The following RBL2 variants were observed in gnomAD, a reference collection of about 807,000 sequenced individuals.
RBL2 encodes the protein RB transcriptional corepressor like 2.
In RBL2, 56 loss-of-function variants were observed where a neutral mutation model predicts 126.0. The ratio of observed to expected loss-of-function variants is 0.44; its 90% CI spans 0.36 to 0.56. The LOEUF (loss-of-function observed/expected upper bound fraction) is 0.56, where lower values mean the gene tolerates loss of function less well. Among genes scored for constraint, RBL2 ranks in the 20% least tolerant of loss-of-function variants. The probability of loss-of-function intolerance (pLI) is 0.00; values close to 1 mark genes in which losing one functional copy is unlikely to be tolerated. For missense variants in RBL2, 1,229 were observed against 1,398.2 expected, an observed-to-expected ratio of 0.88 and a Z score of 1.93; for synonymous variants, 454 against 478.5, an observed-to-expected ratio of 0.95 and a Z score of 0.67.
At chr16:53,463,561 C>CTTTT (rs770657237) in intron 11 of RBL2, among the ~76,000 whole-genome samples, 104 of 94,372 alleles carry the variant, frequency 1.1e-3, no homozygotes, top group African/African-American at 2.7e-3. Context: ...TTTTTTTTTC[C>CTTTT]TTTTTTTTTT....
chr16:53,463,883 A>G (rs892979628), intron 11 of RBL2, among the ~76,000 whole-genome samples: 18 of 152,190 alleles, frequency 1.2e-4, no homozygotes, highest in African/African-American at 4.1e-4. Flanking sequence ...TCAGTTTTTT[A>G]TAGCACTTAC....
intron 2 of RBL2, among the ~76,000 whole-genome samples, chr16:53,441,267 C>CT (rs2058013202): frequency 1.3e-5 from 2 of 152,072 alleles, no homozygotes; most frequent in African/African-American, 4.8e-5. Flanking sequence ...GGCAGGAACT[C>CT]TATATTGCTG....
intron 8 of RBL2, among the ~76,000 whole-genome samples, chr16:53,455,791 C>T (rs1057004057): frequency 1.3e-5 from 2 of 152,120 alleles, no homozygotes; most frequent in Middle Eastern, 3.4e-3. Flanking sequence ...AAATGCAAAG[C>T]CGTGAGGTTG....
intron 7 of RBL2, chr16:53,454,437 TC>T: frequency 2.1e-6 from 1 of 473,946 alleles, no homozygotes; most frequent in Non-Finnish European, 3.8e-6. Flanking sequence ...ACTCCTGACT[TC>T]GTGATCCACC....
chr16:53,467,519 C>T (rs540141233), intron 14 of RBL2, among the ~76,000 whole-genome samples: 1 of 152,286 alleles, frequency 6.6e-6, no homozygotes, highest in African/African-American at 2.4e-5. Context: ...TCCTGAGTAG[C>T]TGGGACTACA....
At chr16:53,467,258 A>G (rs2150810780) in intron 14 of RBL2, 89 bp downstream of exon 14, 1 of 1,037,440 alleles carries the variant, frequency 9.6e-7, no homozygotes, top group Non-Finnish European at 1.5e-6. Context: ...TTAATAGGGT[A>G]TACATAGAAG....
At chr16:53,435,424 G>A (rs2057948861) in intron 1 of RBL2, among the ~76,000 whole-genome samples, 2 of 152,300 alleles carry the variant, frequency 1.3e-5, no homozygotes, top group South Asian at 4.1e-4. Context: ...TCAGGACTGT[G>A]GCTACCTCGA....
At chr16:53,479,331 C>T (rs1960854792) in intron 18 of RBL2, 106 bp downstream of exon 18, 2 of 927,208 alleles carry the variant, frequency 2.2e-6, no homozygotes, top group African/African-American at 1.7e-5. Flanking sequence ...AGATAAACAC[C>T]TGGGACTCTA....
chr16:53,472,676 T>G (rs1257051719), intron 17 of RBL2, among the ~76,000 whole-genome samples: 2 of 152,222 alleles, frequency 1.3e-5, no homozygotes, highest in Non-Finnish European at 2.9e-5. Context: ...TTTCTCCCAT[T>G]CGGTGTATCT....
At position 53,484,623 on chromosome 16, in the gene RBL2, T is replaced by C. The variant is rs866595379; in HGVS notation, c.3249+2788T>C. Among the ~76,000 whole-genome samples, 4 of 152,206 alleles carry C rather than the reference T, an allele frequency of 2.6e-5. 1 individual carries two copies. The highest frequency in any genetic ancestry group is 2.6e-4 in the Admixed American group (4 of 15,282). On this transcript the variant is annotated intron_variant, in intron 21 of 21. Coordinates refer to ENST00000262133, the MANE Select transcript of RBL2 (RefSeq NM_005611.4). ...TTTATGATTCCATTTATATGAGTTG[T>C]CCAGAATGGGCAAATATCTAGAAGC...
intron 15 of RBL2, 57 bp downstream of exon 15, chr16:53,470,242 T>A: frequency 1.3e-6 from 2 of 1,564,956 alleles, no homozygotes; most frequent in Non-Finnish European, 1.7e-6. Context: ...ATTGAAAAGT[T>A]ACCCGAGGTT....
At chr16:53,464,152 C>CT in intron 11 of RBL2, 74 bp from the exon 12 acceptor site, 1 of 1,241,062 alleles carries the variant, frequency 8.1e-7, no homozygotes, top group Non-Finnish European at 1.1e-6. Context: ...GGTATTTTCA[C>CT]TTAAGTTCAC....
intron 2 of RBL2, among the ~76,000 whole-genome samples, chr16:53,441,889 C>T (rs999960900): frequency 2.0e-5 from 3 of 152,030 alleles, no homozygotes; most frequent in Non-Finnish European, 2.9e-5. Flanking sequence ...GGCGTGATCT[C>T]GGCTCACTGC....
intron 1 of RBL2, among the ~76,000 whole-genome samples, chr16:53,438,358 C>G (rs1213082310): frequency 6.6e-6 from 1 of 152,104 alleles, no homozygotes; most frequent in Non-Finnish European, 1.5e-5. Flanking sequence ...GGCACATGTC[C>G]TAAGAGAGAG....
intron 21 of RBL2, among the ~76,000 whole-genome samples, chr16:53,486,680 T>A (rs576631357): frequency 6.6e-6 from 1 of 152,216 alleles, no homozygotes; most frequent in African/African-American, 2.4e-5. Context: ...TTAATGGTGA[T>A]AGACTGAATG....
intron 3 of RBL2, chr16:53,446,041 A>G (rs1271153525): frequency 6.6e-6 from 1 of 152,208 alleles, no homozygotes; most frequent in Non-Finnish European, 1.5e-5. Context: ...AAGAAAAGAC[A>G]AAAGCAGTAA....
intron 8 of RBL2, among the ~76,000 whole-genome samples, chr16:53,459,007 ATTTTC>A (rs1567734616): frequency 6.6e-6 from 1 of 152,114 alleles, no homozygotes; most frequent in East Asian, 1.9e-4. Context: ...TTTAATCACA[ATTTTC>A]TTTTATCTTT....
intron 4 of RBL2, among the ~76,000 whole-genome samples, chr16:53,449,754 A>G (rs1360620263): frequency 6.6e-6 from 1 of 152,168 alleles, no homozygotes; most frequent in Non-Finnish European, 1.5e-5. Context: ...ATGACAAATA[A>G]GCCAACTCTG....
At chr16:53,454,937 C>T (rs1178035401) in intron 8 of RBL2, 95 bp downstream of exon 8, 15 of 1,093,186 alleles carry the variant, frequency 1.4e-5, no homozygotes, top group Middle Eastern at 2.1e-4. Flanking sequence ...GTTTTACTTG[C>T]CTACAGTATG....
Sources: allele counts gnomAD v4.1 joint callset (sites outside exome capture counted in the v4.1 genomes callset), GRCh38; gene constraint gnomAD v4.1.1; transcripts MANE v1.5; gene names NCBI Gene and HGNC (gene_info 2026-07-23, HGNC 2026-07-21).